The following EXOC4 variants were observed in gnomAD, a reference collection of about 807,000 sequenced individuals.
EXOC4 encodes exocyst complex component 4.
A neutral mutation model predicts 107.2 loss-of-function variants in EXOC4; 71 were observed. The ratio of observed to expected loss-of-function variants is 0.66; its 90% CI spans 0.55 to 0.81. The LOEUF (loss-of-function observed/expected upper bound fraction) is 0.81, where lower values mean the gene tolerates loss of function less well. Among genes scored for constraint, EXOC4 ranks in the 30% least tolerant of loss-of-function variants. EXOC4 has a pLI of 0.00. For synonymous variants in EXOC4, 456 were observed against 441.2 expected, an observed-to-expected ratio of 1.03 and a Z score of -0.42; for missense variants, 1,108 against 1,189.6, an observed-to-expected ratio of 0.93 and a Z score of 1.01.
chr7:133,319,583 G>C (rs117742591), intron 5 of EXOC4, among the ~76,000 whole-genome samples: 1 of 152,146 alleles, frequency 6.6e-6, no homozygotes, highest in East Asian at 1.9e-4. Flanking sequence ...TCCTCCTTCT[G>C]GGCTCATGCG....
chr7:133,888,410 A>G (rs1799133609), intron 11 of EXOC4, among the ~76,000 whole-genome samples: 1 of 152,196 alleles, frequency 6.6e-6, no homozygotes, highest in Non-Finnish European at 1.5e-5. Flanking sequence ...TCAACAAACC[A>G]GTTATTGACC....
chr7:133,538,504 A>C (rs1014921483), intron 9 of EXOC4, among the ~76,000 whole-genome samples: 2 of 152,140 alleles, frequency 1.3e-5, no homozygotes, highest in Non-Finnish European at 2.9e-5. Flanking sequence ...CTTCAGGGAC[A>C]CATAATACAT....
the EXOC4 span, among the ~76,000 whole-genome samples, chr7:134,095,815 TAACTC>T: frequency 3.2e-4 from 48 of 152,098 alleles, no homozygotes; most frequent in African/African-American, 6.0e-4. Flanking sequence ...TATAAAAAAT[TAACTC>T]AAGATGCATT....
chr7:134,096,528 C>T, the EXOC4 span, among the ~76,000 whole-genome samples: 3 of 152,074 alleles, frequency 2.0e-5, no homozygotes, highest in Non-Finnish European at 4.4e-5. Context: ...CACAATAGGC[C>T]ATCTGCAAGC....
At chr7:133,723,614 C>G (rs1795153632) in intron 10 of EXOC4, among the ~76,000 whole-genome samples, 1 of 152,106 alleles carries the variant, frequency 6.6e-6, no homozygotes, top group African/African-American at 2.4e-5. Flanking sequence ...CTCAGCCTCC[C>G]AAGTAGCTGG....
intron 9 of EXOC4, among the ~76,000 whole-genome samples, chr7:133,593,304 G>A (rs908492826): frequency 2.0e-5 from 3 of 152,128 alleles, no homozygotes; most frequent in African/African-American, 7.2e-5. Context: ...TCCTTGTTTT[G>A]GTTGTGGAGT....
intron 9 of EXOC4, among the ~76,000 whole-genome samples, chr7:133,619,171 A>T (rs1054621592): frequency 6.6e-6 from 1 of 152,114 alleles, no homozygotes; most frequent in African/African-American, 2.4e-5. Context: ...GCCAGCTCTG[A>T]TTATCTTTAT....
chr7:133,510,950 A>G (rs2150898464), intron 9 of EXOC4, among the ~76,000 whole-genome samples: 1 of 152,332 alleles, frequency 6.6e-6, no homozygotes, highest in East Asian at 1.9e-4. Flanking sequence ...ATATGCTCTT[A>G]TAACTTATTT....
At chr7:133,458,195 A>G (rs1798507251) in intron 7 of EXOC4, among the ~76,000 whole-genome samples, 1 of 152,138 alleles carries the variant, frequency 6.6e-6, no homozygotes, top group Non-Finnish European at 1.5e-5. Flanking sequence ...TGGTTGTTTT[A>G]CCTAGCTCCT....
At chr7:133,442,622 A>G (rs1006487995) in intron 7 of EXOC4, among the ~76,000 whole-genome samples, 5 of 152,136 alleles carry the variant, frequency 3.3e-5, no homozygotes, top group African/African-American at 9.7e-5. Flanking sequence ...AAGCAAAAAG[A>G]AAGAACCTAG....
chr7:133,468,730 C>T (rs545130904), intron 7 of EXOC4, among the ~76,000 whole-genome samples: 8 of 152,116 alleles, frequency 5.3e-5, no homozygotes, highest in Non-Finnish European at 1.0e-4. Flanking sequence ...TACTGTGCTC[C>T]GTTGTTTCTT....
At chr7:133,332,252 C>T (rs1326174746) in intron 5 of EXOC4, among the ~76,000 whole-genome samples, 3 of 152,118 alleles carry the variant, frequency 2.0e-5, no homozygotes, top group South Asian at 2.1e-4. Context: ...CTAAAGAGAA[C>T]ACAAATTAAA....
chr7:133,865,493 A>G (rs1170710392), intron 11 of EXOC4, among the ~76,000 whole-genome samples: 1 of 152,196 alleles, frequency 6.6e-6, no homozygotes, highest in African/African-American at 2.4e-5. Context: ...AAACACTTGT[A>G]TCTTAGTTGC....
intron 7 of EXOC4, among the ~76,000 whole-genome samples, chr7:133,430,245 C>G (rs539708838): frequency 2.0e-5 from 3 of 152,360 alleles, no homozygotes; most frequent in African/African-American, 7.2e-5. Flanking sequence ...CTTCTCTTTT[C>G]TCCTTCTCTG....
chr7:133,633,621 A>G (rs1218839445), intron 10 of EXOC4, among the ~76,000 whole-genome samples: 2 of 152,144 alleles, frequency 1.3e-5, no homozygotes, highest in Admixed American at 6.5e-5. Flanking sequence ...TGGGAGGCTG[A>G]GGCAGGAGAA....
At chr7:133,634,855 T>C (rs1802670385) in intron 10 of EXOC4, among the ~76,000 whole-genome samples, 1 of 152,208 alleles carries the variant, frequency 6.6e-6, no homozygotes. Flanking sequence ...CAAAGGTTTC[T>C]AGCCATGCCC....
At chr7:133,718,845 G>A (rs978414323) in intron 10 of EXOC4, among the ~76,000 whole-genome samples, 2 of 152,198 alleles carry the variant, frequency 1.3e-5, no homozygotes, top group Admixed American at 6.5e-5. Context: ...CTCAGGGATA[G>A]TGGGTGGACC....
At chr7:133,576,363 A>G in intron 9 of EXOC4, 4 of 719,360 alleles carry the variant, frequency 5.6e-6, no homozygotes, top group Non-Finnish European at 7.8e-6. Flanking sequence ...AAGAAAAGTG[A>G]TTGGTTGGCT....
intron 9 of EXOC4, chr7:133,483,957 G>T: frequency 6.9e-7 from 1 of 1,456,890 alleles, no homozygotes. Context: ...GAAGATTTTT[G>T]TTTCTTCTGT....
Sources: allele counts gnomAD v4.1 joint callset (sites outside exome capture counted in the v4.1 genomes callset), GRCh38; gene constraint gnomAD v4.1.1; transcripts MANE v1.5; gene names NCBI Gene and HGNC (gene_info 2026-07-23, HGNC 2026-07-21).